Variants in PLBD1 observed in about 807,000 individuals in gnomAD.
The protein encoded by PLBD1 is phospholipase B domain containing 1.
In PLBD1, 60 loss-of-function variants were observed where a neutral mutation model predicts 63.0. That is an observed-to-expected ratio of 0.95 (90% CI 0.77 to 1.18). The LOEUF (loss-of-function observed/expected upper bound fraction) is 1.18. Ranked by LOEUF, PLBD1 falls within the 50% of genes most tolerant of loss-of-function variation. The probability of loss-of-function intolerance (pLI) is 0.00; values close to 1 mark genes in which losing one functional copy is unlikely to be tolerated. For missense variants in PLBD1, 598 were observed against 677.9 expected (o/e 0.88, Z 1.31); for synonymous variants, 262 against 248.0 (o/e 1.06, Z -0.53).
intron 2 of PLBD1, among the ~76,000 whole-genome samples, chr12:14,551,290 G>T (rs919044393): frequency 6.6e-6 from 1 of 152,018 alleles, no homozygotes; most frequent in Non-Finnish European, 1.5e-5. Flanking sequence ...TTGAATCCGA[G>T]AGGCAGAGGT....
At chr12:14,540,044 A>G (rs1367032135) in intron 4 of PLBD1, among the ~76,000 whole-genome samples, 10 of 115,740 alleles carry the variant, frequency 8.6e-5, no homozygotes, top group African/African-American at 3.0e-4. Flanking sequence ...ATATATATAT[A>G]TATATATATA....
intron 3 of PLBD1, 115 bp downstream of exon 3, chr12:14,542,093 C>G (rs774215794): frequency 5.1e-6 from 4 of 791,684 alleles, no homozygotes; most frequent in African/African-American, 1.7e-5. Flanking sequence ...AAGAATAACT[C>G]TAGAGTCCTG....
At chr12:14,563,587 A>G (rs975207581) in intron 1 of PLBD1, among the ~76,000 whole-genome samples, 1 of 152,210 alleles carries the variant, frequency 6.6e-6, no homozygotes, top group Non-Finnish European at 1.5e-5. Context: ...CTGCCTTATC[A>G]AGACATGATA....
rs866468929 is a variant in PLBD1 at position 14,506,015 on chromosome 12, T to A, written c.1479+147A>T. ...GGACTTGAAGTTAGATAATAGGACC[T>A]ACCACCAGAATCTCTGAAAAAGCTG... On this transcript the variant is annotated intron_variant, in intron 10 of 10. Coordinates refer to ENST00000240617, the MANE Select transcript of PLBD1 (RefSeq NM_024829.6). The A allele has an allele frequency of 1.4e-4, 80 of 558,224 alleles. No homozygotes were observed. In the Middle Eastern group the frequency reaches 3.1e-3, roughly 22 times the overall value. 34.6% of individuals were successfully genotyped at this position (558,224 alleles called of 1,614,324 possible).
At chr12:14,540,053 T>C (rs7970311) in intron 4 of PLBD1, among the ~76,000 whole-genome samples, 65,101 of 87,332 alleles carry the variant, frequency 0.75, 24,549 homozygotes, top group Admixed American at 0.85. Flanking sequence ...TATATATATA[T>C]ACACACACAC....
At chr12:14,553,029 C>T (rs890356232) in intron 2 of PLBD1, among the ~76,000 whole-genome samples, 164 bp downstream of exon 2, 5 of 152,178 alleles carry the variant, frequency 3.3e-5, no homozygotes, top group Non-Finnish European at 7.4e-5. Flanking sequence ...TGTCCCATGC[C>T]TCACCCCCGC....
At chr12:14,543,051 T>G (rs1945588621) in intron 2 of PLBD1, among the ~76,000 whole-genome samples, 1 of 127,096 alleles carries the variant, frequency 7.9e-6, no homozygotes, top group Admixed American at 9.0e-5. Context: ...CAGTTAATAT[T>G]TTTAATTGAT....
intron 6 of PLBD1, among the ~76,000 whole-genome samples, chr12:14,524,784 G>A (rs535492488): frequency 5.9e-5 from 9 of 152,176 alleles, no homozygotes; most frequent in South Asian, 2.1e-4. Flanking sequence ...TGGGTTTAGC[G>A]GACAAAGACA....
intron 6 of PLBD1, among the ~76,000 whole-genome samples, chr12:14,513,229 T>C (rs1400919891): frequency 6.6e-6 from 1 of 152,254 alleles, no homozygotes; most frequent in Non-Finnish European, 1.5e-5. Flanking sequence ...CAAAATGATA[T>C]TCTGATATAT....
Position 14,537,498 on chromosome 12 carries a change from C to T in PLBD1, c.559-788G>A, listed in dbSNP as rs542452676. 7.9e-5 allele frequency among the ~76,000 whole-genome samples: 12 copies of T among 152,330 alleles called. 1 individual carries two copies. Among genetic ancestry groups the T allele is most frequent in the African/African-American group, 2.6e-4 (11 of 41,568 alleles). On this transcript the variant is annotated intron_variant, in intron 4 of 10. Coordinates refer to ENST00000240617, the MANE Select transcript of PLBD1 (RefSeq NM_024829.6). ...AACCACTCTTAGACAAGAACCACTG[C>T]TATACAGCAAAAACATTCAACTAAG...
At chr12:14,552,850 G>T (rs1219850640) in intron 2 of PLBD1, among the ~76,000 whole-genome samples, 3 of 152,182 alleles carry the variant, frequency 2.0e-5, no homozygotes, top group East Asian at 3.8e-4. Context: ...CTTTTAGGCA[G>T]GTACTGATTA....
chr12:14,521,620 A>G (rs1419292551), intron 6 of PLBD1, among the ~76,000 whole-genome samples: 2 of 152,062 alleles, frequency 1.3e-5, no homozygotes, highest in Non-Finnish European at 2.9e-5. Context: ...ATCCTCCACA[A>G]CCGACACCTT....
chr12:14,540,586 G>A (rs1404750376), intron 4 of PLBD1, among the ~76,000 whole-genome samples, 178 bp downstream of exon 4: 4 of 152,148 alleles, frequency 2.6e-5, no homozygotes, highest in Admixed American at 2.6e-4. Context: ...TGTGTTTTGG[G>A]CTTGTAATTT....
chr12:14,505,668 G>C (rs1945248852), intron 10 of PLBD1, among the ~76,000 whole-genome samples: 2 of 152,158 alleles, frequency 1.3e-5, no homozygotes, highest in African/African-American at 4.8e-5. Flanking sequence ...CTAACATTGT[G>C]AAAAACTGCT....
At chr12:14,504,829 A>G (rs1005766106) in intron 10 of PLBD1, among the ~76,000 whole-genome samples, 1 of 152,180 alleles carries the variant, frequency 6.6e-6, no homozygotes, top group Non-Finnish European at 1.5e-5. Context: ...CATATTCAAA[A>G]TGACTCTAAA....
At chr12:14,547,383 G>A (rs1161355301) in intron 2 of PLBD1, among the ~76,000 whole-genome samples, 1 of 151,976 alleles carries the variant, frequency 6.6e-6, no homozygotes, top group Non-Finnish European at 1.5e-5. Flanking sequence ...CTCATCCCTC[G>A]TCCTGGGACC....
At chr12:14,553,662 G>A (rs1156619108) in intron 1 of PLBD1, 4 of 542,110 alleles carry the variant, frequency 7.4e-6, no homozygotes, top group South Asian at 2.1e-5. Flanking sequence ...TCATAGAGGT[G>A]AGCCTGAGTG....
intron 6 of PLBD1, among the ~76,000 whole-genome samples, chr12:14,519,802 A>G (rs2136910460): frequency 6.6e-6 from 1 of 152,286 alleles, no homozygotes; most frequent in South Asian, 2.1e-4. Context: ...CTGTTGTTTA[A>G]GCCACCCAGT....
chr12:14,536,587 A>G lies in PLBD1; in HGVS notation c.682T>C (p.Cys228Arg). The G allele has an allele frequency of 1.2e-6, 2 of 1,614,176 alleles. No individual in the cohort carries two copies. Among genetic ancestry groups the G allele is most frequent in the Non-Finnish European group, 1.7e-6 (2 of 1,180,012 alleles). Residue 228 changes from cysteine to arginine, a missense_variant, in exon 5 of 11, where the codon TGC becomes CGC. Transcript: ENST00000240617. ...KVFKRWDMGHCSALIKVLPGF... is the reference protein window; with the variant it reads ...KVFKRWDMGHRSALIKVLPGF... ...TGTCTTACCTTGATAAGAGCGGAGC[A>G]ATGTCCCATGTCCCATCTCTTAAAA...
Sources: allele counts gnomAD v4.1 joint callset (sites outside exome capture counted in the v4.1 genomes callset), GRCh38; gene constraint gnomAD v4.1.1; transcripts MANE v1.5; gene names NCBI Gene and HGNC (gene_info 2026-07-23, HGNC 2026-07-21).